Variants in WAPL observed in about 807,000 individuals in gnomAD.
WAPL encodes the protein wings apart-like protein homolog.
Under a neutral mutation model 121.0 loss-of-function variants are expected in WAPL, and 5 were observed. That is an observed-to-expected ratio of 0.04 (90% CI 0.02 to 0.09). WAPL has a LOEUF of 0.09. Among genes scored for constraint, WAPL ranks in the 10% least tolerant of loss-of-function variants. The probability of loss-of-function intolerance (pLI) is 1.00; values close to 1 mark genes in which losing one functional copy is unlikely to be tolerated. For missense variants in WAPL, 999 were observed against 1,410.8 expected, an observed-to-expected ratio of 0.71 and a Z score of 4.68; for synonymous variants, 480 against 481.5, an observed-to-expected ratio of 1.00 and a Z score of 0.04.
At chr10:86,475,488 T>C (rs934028076) in intron 4 of WAPL, among the ~76,000 whole-genome samples, 1 of 152,252 alleles carries the variant, frequency 6.6e-6, no homozygotes, top group Admixed American at 6.5e-5. Flanking sequence ...TAAGCATTAG[T>C]GTGAACTAAT....
chr10:86,505,380 G>A (rs1842330578), intron 2 of WAPL, among the ~76,000 whole-genome samples: 1 of 131,250 alleles, frequency 7.6e-6, no homozygotes, highest in Non-Finnish European at 1.5e-5. Flanking sequence ...CACCTCCCAC[G>A]TTCAAGTGAT....
intron 10 of WAPL, among the ~76,000 whole-genome samples, chr10:86,460,787 C>A (rs1330694401): frequency 6.6e-6 from 1 of 151,846 alleles, no homozygotes; most frequent in Non-Finnish European, 1.5e-5. Flanking sequence ...AATCTCGGCT[C>A]ACTGCAACCT....
At chr10:86,458,187 T>C (rs1358320192) in intron 12 of WAPL, among the ~76,000 whole-genome samples, 2 of 152,238 alleles carry the variant, frequency 1.3e-5, no homozygotes, top group East Asian at 1.9e-4. Flanking sequence ...AAAGCAGCGA[T>C]TTGGAGAAAG....
In WAPL at chr10:86,463,501, A is replaced by G. The variant is rs193288934; in HGVS notation, c.2371-2214T>C. On this transcript the variant is annotated intron_variant, in intron 9 of 18. Transcript: ENST00000298767. ...TGTGTGTCGCCTTCATTTTTAACAG[A>G]AAAAGTTTTAAAAGTTAAAAAATAA... Among the ~76,000 whole-genome samples, 4 of 152,366 alleles carry G rather than the reference A, an allele frequency of 2.6e-5. No homozygotes were observed. The East Asian group carries it at 7.7e-4, about 29-fold the overall frequency.
intron 11 of WAPL, 97 bp from the exon 12 acceptor site, chr10:86,459,162 G>A (rs1841215592): frequency 1.0e-6 from 1 of 976,760 alleles, no homozygotes; most frequent in South Asian, 1.7e-5. Context: ...ATACAAAGAT[G>A]AGGAAGAAAC....
At chr10:86,471,652 AT>A in intron 7 of WAPL, among the ~76,000 whole-genome samples, 1 of 151,976 alleles carries the variant, frequency 6.6e-6, no homozygotes, top group East Asian at 1.9e-4. Context: ...CTTTCTGGTA[AT>A]TTTTTCTTTC....
In WAPL at chr10:86,499,871, G is replaced by T. The variant is rs1281831911; in HGVS notation, c.1372C>A (p.Leu458Ile). 2 of 1,613,790 alleles carry T rather than the reference G, an allele frequency of 1.2e-6. No individual in the cohort carries two copies. The highest frequency in any genetic ancestry group is 1.6e-4 in the Middle Eastern group (1 of 6,084). Reference sequence around the variant, plus strand: ...TCTTCATCATCTTCGCTTTCACTGAGATCATCAAAGCCAAAATACTTAATT... The same window carrying T: ...TCTTCATCATCTTCGCTTTCACTGATATCATCAAAGCCAAAATACTTAATT... ...YKIKYFGFDDLSESEDDEDDD... is the reference protein window; with the variant it reads ...YKIKYFGFDDISESEDDEDDD... The change falls in exon 3 of 19, where the codon CTC becomes ATC. Residue 458 changes from leucine to isoleucine, a missense_variant. By Grantham distance (5) the Leu-to-Ile change is conservative. Around this residue, in one of 7 missense-constraint regions of WAPL, gnomAD observed 531 missense variants for 563.1 expected, o/e 0.94. Coordinates refer to ENST00000298767, the MANE Select transcript of WAPL (RefSeq NM_015045.5).
intron 13 of WAPL, 65 bp downstream of exon 13, chr10:86,453,591 A>C (rs1384395178): frequency 6.6e-7 from 1 of 1,513,764 alleles, no homozygotes; most frequent in East Asian, 2.3e-5. Flanking sequence ...AGGAGAAACA[A>C]AAATAACTTG....
At chr10:86,449,658 G>A (rs1412221351) in intron 15 of WAPL, among the ~76,000 whole-genome samples, 1 of 152,216 alleles carries the variant, frequency 6.6e-6, no homozygotes, top group Non-Finnish European at 1.5e-5. Context: ...CCCCTATTAT[G>A]TGGATAATGC....
chr10:86,483,104 T>C (rs1257706817), intron 4 of WAPL, among the ~76,000 whole-genome samples: 1 of 152,236 alleles, frequency 6.6e-6, no homozygotes, highest in Non-Finnish European at 1.5e-5. Flanking sequence ...ACAAACCTAC[T>C]GTGCTGCCAG....
chr10:86,513,158 C>T (rs1034524238), intron 2 of WAPL, among the ~76,000 whole-genome samples: 6 of 151,924 alleles, frequency 3.9e-5, no homozygotes, highest in Non-Finnish European at 7.4e-5. Flanking sequence ...GCAATTTCCG[C>T]TAATTTTTTT....
intron 4 of WAPL, among the ~76,000 whole-genome samples, chr10:86,486,239 A>G (rs1216889127): frequency 1.3e-5 from 2 of 152,216 alleles, no homozygotes; most frequent in Non-Finnish European, 2.9e-5. Flanking sequence ...TTCTGACAGA[A>G]AAATATGCTA....
intron 2 of WAPL, among the ~76,000 whole-genome samples, chr10:86,506,517 G>A (rs1312217116): frequency 6.6e-6 from 1 of 152,236 alleles, no homozygotes; most frequent in Non-Finnish European, 1.5e-5. Context: ...GCTCACGCCT[G>A]TAATCCCAGC....
intron 4 of WAPL, among the ~76,000 whole-genome samples, chr10:86,490,569 A>T (rs915769961): frequency 3.3e-5 from 5 of 152,234 alleles, no homozygotes; most frequent in Non-Finnish European, 7.3e-5. Context: ...TTAACATATA[A>T]GCAGACAGTA....
At position 86,472,181 on chromosome 10, in the gene WAPL, T is replaced by C. The variant is rs989846629; in HGVS notation, c.2030+27A>G. The C allele has an allele frequency of 5.9e-6, 9 of 1,533,010 alleles. No homozygotes were observed. The East Asian group carries it at 9.4e-5, about 16-fold the overall frequency. The allele number at this position is 1,533,010 out of a possible 1,614,324, so 95.0% of individuals were successfully genotyped here. On this transcript the variant is annotated intron_variant, in intron 7 of 18. Coordinates refer to ENST00000298767, the MANE Select transcript of WAPL (RefSeq NM_015045.5). This position sits in a 1 kb window ranked among gnomAD's most constrained non-coding sequence, Gnocchi z 4.2. ...AAAATTTAATACAGCATGCACATAA[T>C]TGTAAAATATAAAAATAAGATCTTA... is the stretch of plus-strand genomic sequence containing the variant.
chr10:86,459,603 G>C lies in WAPL; in HGVS notation c.2581-538C>G, dbSNP rs115618049. ...TATACGGAACTGGGTTAAGTCTTTC[G>C]TAAGAGTCAAAGAACAAAATATACT... On this transcript the variant is annotated intron_variant, in intron 11 of 18. Transcript: ENST00000298767. Among the ~76,000 whole-genome samples the C allele has an allele frequency of 7.0e-3, 1,066 of 152,274 alleles. 14 individuals are homozygous for C. The highest frequency in any genetic ancestry group is 0.024 in the African/African-American group (1,016 of 41,554).
intron 8 of WAPL, among the ~76,000 whole-genome samples, chr10:86,469,535 T>C (rs1841485853): frequency 6.6e-6 from 1 of 152,028 alleles, no homozygotes; most frequent in African/African-American, 2.4e-5. Flanking sequence ...ATTATAGGCA[T>C]GAGCCACCGC....
intron 2 of WAPL, among the ~76,000 whole-genome samples, chr10:86,516,935 T>G (rs1212750460): frequency 6.6e-6 from 1 of 151,898 alleles, no homozygotes; most frequent in Non-Finnish European, 1.5e-5. Context: ...ATACAAAAAT[T>G]AGCCAGGCGT....
intron 11 of WAPL, 90 bp from the exon 12 acceptor site, chr10:86,459,155 C>G (rs1048081851): frequency 1.9e-6 from 2 of 1,030,302 alleles, no homozygotes; most frequent in Non-Finnish European, 2.8e-6. Context: ...GTAAAAGATA[C>G]AAAGATGAGG....
Sources: gnomAD v4.1 joint callset for allele counts (sites outside exome capture counted in the v4.1 genomes callset) on GRCh38, gnomAD v4.1.1 for gene constraint, gnomAD v4.1.1 regional missense constraint, Gnocchi (gnomAD v3.1) non-coding constraint, MANE v1.5 for transcripts, NCBI Gene and HGNC (gene_info 2026-07-23, HGNC 2026-07-21) for gene names.